The following RIF1 variants were observed in gnomAD, a reference collection of about 807,000 sequenced individuals.
RIF1 encodes telomere-associated protein RIF1.
In RIF1, 45 loss-of-function variants were observed where a neutral mutation model predicts 247.1. That is an observed-to-expected ratio of 0.18 (90% CI 0.14 to 0.23). The LOEUF is 0.23. Among genes scored for constraint, RIF1 ranks in the 10% least tolerant of loss-of-function variants. The pLI, the probability that RIF1 is intolerant of heterozygous loss-of-function variation, is 1.00. For synonymous variants in RIF1, 1,087 were observed against 978.8 expected, an observed-to-expected ratio of 1.11 and a Z score of -2.06; for missense variants, 2,967 against 2,862.5, an observed-to-expected ratio of 1.04 and a Z score of -0.83.
intron 9 of RIF1, among the ~76,000 whole-genome samples, 185 bp downstream of exon 9, chr2:151,429,107 C>G (rs569586236): frequency 4.6e-5 from 7 of 152,130 alleles, no homozygotes; most frequent in South Asian, 4.1e-4. Context: ...CATTGGAAAT[C>G]ACAAATATGA....
chr2:151,460,398 C>G (rs1695937742), intron 26 of RIF1, among the ~76,000 whole-genome samples: 1 of 152,120 alleles, frequency 6.6e-6, no homozygotes, highest in Admixed American at 6.5e-5. Context: ...TGGAATGAGA[C>G]TAGTTATGAA....
At chr2:151,446,339 T>A (rs1693268635) in intron 19 of RIF1, 87 bp from the exon 20 acceptor site, 1 of 1,281,556 alleles carries the variant, frequency 7.8e-7, no homozygotes, top group Admixed American at 1.9e-5. Context: ...GCAGTGTTTT[T>A]AAAAAATGTT....
At chr2:151,513,615 TAAAATCCGG>T in the RIF1 span, 3 of 1,610,018 alleles carry the variant, frequency 1.9e-6, no homozygotes, top group Admixed American at 5.0e-5. Flanking sequence ...CTGGCCCTCA[TAAAATCCGG>T]AGTTTCATTG....
chr2:151,485,456 G>A (rs2049614504), downstream of RIF1: 1 of 231,206 alleles, frequency 4.3e-6, no homozygotes, highest in Admixed American at 5.5e-5. Flanking sequence ...GAACATCTCT[G>A]CTATTTTTCC....
downstream of RIF1, among the ~76,000 whole-genome samples, chr2:151,510,939 G>A (rs527832195): frequency 6.6e-6 from 1 of 152,316 alleles, no homozygotes; most frequent in East Asian, 1.9e-4. Context: ...CAAGTTTGTG[G>A]AAACACAAGC....
At position 151,463,925 on chromosome 2, in the gene RIF1, A is replaced by G; in HGVS notation, c.4405A>G (p.Ile1469Val). The change falls in exon 30 of 36, where the codon ATT becomes GTT. Residue 1469 changes from isoleucine (I) to valine (V), a missense_variant. Physicochemically the swap from Ile to Val is conservative, Grantham distance 29. Around this residue, in one of 7 missense-constraint regions of RIF1, gnomAD observed 2,028 missense variants for 1,825.6 expected, o/e 1.11. Transcript: ENST00000444746. ...TGATGTGTTACCTAAACAAAAACTGATTGCTGAACAAACTCTACAGGAGAA... is the reference window on the plus strand; with the variant it reads ...TGATGTGTTACCTAAACAAAAACTGGTTGCTGAACAAACTCTACAGGAGAA... ...KDDVLPKQKL[I>V]AEQTLQENLI... The G allele has an allele frequency of 6.2e-7, 1 of 1,613,502 alleles. No homozygotes were observed. Among genetic ancestry groups the G allele is most frequent in the Non-Finnish European group, 8.5e-7 (1 of 1,179,882 alleles).
At chr2:151,531,702 C>A in the RIF1 span, 11 of 979,560 alleles carry the variant, frequency 1.1e-5, no homozygotes, top group South Asian at 1.5e-4. Context: ...TGGCAGTAGT[C>A]TCCCAGACTT....
At chr2:151,449,944 T>G (rs1693995266) in intron 20 of RIF1, among the ~76,000 whole-genome samples, 1 of 151,352 alleles carries the variant, frequency 6.6e-6, no homozygotes, top group South Asian at 2.1e-4. Context: ...CGGGTTCAAG[T>G]GATTCTCCTG....
At chr2:151,518,941 T>A in the RIF1 span, 1 of 1,545,288 alleles carries the variant, frequency 6.5e-7, no homozygotes, top group Non-Finnish European at 8.9e-7. Context: ...ACAAGCTGTT[T>A]CTGGAGCAAA....
chr2:151,465,726 A>G lies in RIF1; in HGVS notation c.6206A>G (p.Asp2069Gly). 1 of 1,614,234 alleles carries G rather than the reference A, an allele frequency of 6.2e-7. No homozygotes were observed. The highest frequency in any genetic ancestry group is 8.5e-7 in the Non-Finnish European group (1 of 1,180,028). ...GCAGAAATGGACAACTTTGTTTGTG[A>G]CACAGTTGAAATGAGCACTGAAGAA... ...LTAEMDNFVCDTVEMSTEEGI... is the reference protein window; with the variant it reads ...LTAEMDNFVCGTVEMSTEEGI... The change falls in exon 30 of 36, where the codon GAC (aspartate) becomes GGC (glycine). Residue 2069 changes from aspartate (D) to glycine (G), a missense_variant. Transcript: ENST00000444746.
At chr2:151,412,058 A>G (rs751465713) in intron 3 of RIF1, among the ~76,000 whole-genome samples, 7 of 152,172 alleles carry the variant, frequency 4.6e-5, no homozygotes, top group Non-Finnish European at 7.3e-5. Context: ...TAATCTAGGT[A>G]GCATTAATTT....
At chr2:151,494,303 G>C (rs752947071) in intron 9 of RIF1, 33 of 1,286,238 alleles carry the variant, frequency 2.6e-5, no homozygotes, top group Non-Finnish European at 3.3e-5. Context: ...AGAGTTAACA[G>C]TTACCAAAAA....
At chr2:151,460,671 A>G (rs1574111516) in intron 26 of RIF1, among the ~76,000 whole-genome samples, 1 of 152,188 alleles carries the variant, frequency 6.6e-6, no homozygotes, top group Non-Finnish European at 1.5e-5. Flanking sequence ...TTTTAAGAAT[A>G]CCTCTGCCAC....
intron 9 of RIF1, among the ~76,000 whole-genome samples, chr2:151,488,652 TA>T (rs60310785): frequency 0.26 from 38,674 of 151,046 alleles, 5,532 homozygotes; most frequent in Admixed American, 0.38. Context: ...TCTCTAAAAA[TA>T]AAAAAAAAGT....
At position 151,442,005 on chromosome 2, in the gene RIF1, A is replaced by G; in HGVS notation, c.1734+14A>G. 2 of 1,119,698 alleles carry G rather than the reference A, an allele frequency of 1.8e-6. No homozygotes were observed. Among genetic ancestry groups the G allele is most frequent in the Non-Finnish European group, 2.5e-6 (2 of 788,166 alleles). 69.4% of individuals were successfully genotyped at this position (1,119,698 alleles called of 1,614,324 possible). A position where few individuals can be genotyped will look rare whatever the true frequency, so the allele number is the denominator to read the frequency against. Reference sequence around the variant, plus strand: ...GATATTCTTAATGCAAGTATCTTAAATGTAATATGATGAAGATTGGCCAAA... The same window carrying G: ...GATATTCTTAATGCAAGTATCTTAAGTGTAATATGATGAAGATTGGCCAAA... On this transcript the variant is annotated intron_variant, in intron 16 of 35. Coordinates refer to ENST00000444746, the MANE Select transcript of RIF1 (RefSeq NM_018151.5).
chr2:151,458,014 A>T, intron 24 of RIF1, 51 bp downstream of exon 24: 1 of 1,287,126 alleles, frequency 7.8e-7, no homozygotes, highest in Non-Finnish European at 1.1e-6. Flanking sequence ...TTGTGATCAT[A>T]TAAATTGATA....
At chr2:151,488,394 C>T (rs1415037427) in intron 9 of RIF1, among the ~76,000 whole-genome samples, 2 of 151,534 alleles carry the variant, frequency 1.3e-5, no homozygotes, top group Admixed American at 1.3e-4. Context: ...TGCCTGTAAT[C>T]CCAGCATTTT....
At position 151,465,787 on chromosome 2, in the gene RIF1, T is replaced by A; in HGVS notation, c.6267T>A (p.Thr2089=). Residue 2089 remains threonine (T), a synonymous_variant, in exon 30 of 36, where the codon ACT becomes ACA. Transcript: ENST00000444746. The part of the protein sequence containing the change: ...IIDANKTETN[T]EYSKSEEKLD... ...ACGCTAATAAAACTGAAACAAATAC[T>A]GAGTATAGTAAATCTGAAGAAAAAT... 6.2e-7 allele frequency: 1 copy of A among 1,613,028 alleles called. No individual in the cohort carries two copies. Among genetic ancestry groups the A allele is most frequent in the Non-Finnish European group, 8.5e-7 (1 of 1,179,086 alleles).
intron 34 of RIF1, 104 bp from the exon 35 acceptor site, chr2:151,473,860 A>G (rs1186762806): frequency 1.7e-5 from 12 of 701,256 alleles, no homozygotes; most frequent in Admixed American, 5.0e-5. Flanking sequence ...CATAGGTTCT[A>G]TGCAATGTTT....
Sources: gnomAD v4.1 joint callset for allele counts (sites outside exome capture counted in the v4.1 genomes callset) on GRCh38, gnomAD v4.1.1 for gene constraint, gnomAD v4.1.1 regional missense constraint, MANE v1.5 for transcripts, NCBI Gene and HGNC (gene_info 2026-07-23, HGNC 2026-07-21) for gene names.